Variants in LY96 observed in about 807,000 individuals in gnomAD.
LY96 encodes lymphocyte antigen 96.
LY96 carries 18 observed loss-of-function variants against 18.9 expected under a neutral mutation model. That is an observed-to-expected ratio of 0.95 (90% CI 0.66 to 1.41). The LOEUF (loss-of-function observed/expected upper bound fraction) is 1.41. Among genes scored for constraint, LY96 ranks in the 40% most tolerant of loss-of-function variants. LY96 has a pLI of 0.00. For synonymous variants in LY96, 66 were observed against 62.6 expected (o/e 1.06, Z -0.26); for missense variants, 175 against 182.4 (o/e 0.96, Z 0.23).
At chr8:74,091,297 A>C in the LY96 span, among the ~76,000 whole-genome samples, 1 of 152,100 alleles carries the variant, frequency 6.6e-6, no homozygotes, top group Non-Finnish European at 1.5e-5. Context: ...CTCTTGCAAG[A>C]TTGCATCTCT....
chr8:73,992,673 T>A (rs1210513008), intron 1 of LY96, among the ~76,000 whole-genome samples: 1 of 152,090 alleles, frequency 6.6e-6, no homozygotes, highest in Non-Finnish European at 1.5e-5. Context: ...CCATGGCCCT[T>A]CTCCTGGTGG....
intron 1 of LY96, among the ~76,000 whole-genome samples, chr8:73,992,027 G>A (rs1563705853): frequency 6.6e-6 from 1 of 152,206 alleles, no homozygotes; most frequent in Non-Finnish European, 1.5e-5. Flanking sequence ...GTCACTAGCT[G>A]TGTGACCTTA....
chr8:74,010,204 T>A, intron 3 of LY96, 75 bp downstream of exon 3: 1 of 1,387,386 alleles, frequency 7.2e-7, no homozygotes. Context: ...TTAAATACAT[T>A]GAAAATGGGA....
the LY96 span, among the ~76,000 whole-genome samples, chr8:74,061,284 C>A: frequency 2.6e-5 from 4 of 152,132 alleles, no homozygotes; most frequent in Admixed American, 1.3e-4. Flanking sequence ...GGATTAATGC[C>A]GTTATAAGAA....
chr8:74,053,920 C>T, the LY96 span, among the ~76,000 whole-genome samples: 11 of 152,146 alleles, frequency 7.2e-5, no homozygotes, highest in African/African-American at 1.2e-4. Context: ...TGATGTCTTC[C>T]GCCATTTTAT....
the LY96 span, among the ~76,000 whole-genome samples, chr8:74,076,929 G>A: frequency 6.8e-4 from 103 of 152,286 alleles, no homozygotes; most frequent in African/African-American, 2.3e-3. Flanking sequence ...GATGTTAATC[G>A]CATGTCTGGG....
chr8:74,027,204 T>G (rs1048045258), intron 4 of LY96, among the ~76,000 whole-genome samples: 1 of 152,044 alleles, frequency 6.6e-6, no homozygotes, highest in Admixed American at 6.6e-5. Flanking sequence ...CCTCCCAAAG[T>G]GCTGGGATTA....
intron 4 of LY96, among the ~76,000 whole-genome samples, 172 bp downstream of exon 4, chr8:74,027,013 A>C (rs998045948): frequency 2.7e-5 from 4 of 149,444 alleles, no homozygotes; most frequent in African/African-American, 9.9e-5. Flanking sequence ...TGCTCACTGC[A>C]ACCTCCACCC....
chr8:73,993,557 C>G (rs1403000278), intron 1 of LY96, among the ~76,000 whole-genome samples: 5 of 152,088 alleles, frequency 3.3e-5, no homozygotes, highest in Non-Finnish European at 7.4e-5. Flanking sequence ...ATTCTCCTGC[C>G]TCAGCCTCCC....
At chr8:73,996,020 G>A (rs1444664959) in intron 1 of LY96, among the ~76,000 whole-genome samples, 1 of 152,200 alleles carries the variant, frequency 6.6e-6, no homozygotes, top group Admixed American at 6.5e-5. Context: ...TGGCCAGCCA[G>A]ATGTGATGGC....
chr8:74,009,938 G>A, intron 2 of LY96, 63 bp from the exon 3 acceptor site: 15 of 1,202,416 alleles, frequency 1.2e-5, no homozygotes, highest in African/African-American at 3.0e-5. Context: ...TACAATAAAT[G>A]TTAATTACTA....
At position 74,026,856 on chromosome 8, in the gene LY96, T is replaced by G. The variant is rs1287665565; in HGVS notation, c.384+15T>G. On this transcript the variant is annotated intron_variant, in intron 4 of 4. Coordinates refer to ENST00000284818, the MANE Select transcript of LY96 (RefSeq NM_015364.5). ...AATTTTCTAAGGTATTGTTCAAGAT[T>G]TATTTTGTACTGTCTAACCTTTAGC... The G allele has an allele frequency of 7.4e-7, 1 of 1,348,590 alleles. No homozygotes were observed. The highest frequency in any genetic ancestry group is 1.1e-6 in the Non-Finnish European group (1 of 940,040). 83.5% of individuals were successfully genotyped at this position (1,348,590 alleles called of 1,614,324 possible). A position where few individuals can be genotyped will look rare whatever the true frequency, so the allele number is the denominator to read the frequency against.
Position 74,024,943 on chromosome 8 carries a change from C to T in LY96, c.332-1846C>T, listed in dbSNP as rs34110277. ...ACTGGGATCAAGTGATCCTCCCACC[C>T]TAGCCTCTCGAGTAACTGGGATTAT... is the stretch of plus-strand genomic sequence containing the variant. On this transcript the variant is annotated intron_variant, in intron 3 of 4. Coordinates refer to ENST00000284818, the MANE Select transcript of LY96 (RefSeq NM_015364.5). Among the ~76,000 whole-genome samples, 70 of 152,278 alleles carry T rather than the reference C, an allele frequency of 4.6e-4. 2 individuals carry two copies. In the East Asian group the frequency reaches 0.011, roughly 23 times the overall value.
the LY96 span, among the ~76,000 whole-genome samples, chr8:74,097,467 T>G: frequency 6.6e-6 from 1 of 152,134 alleles, no homozygotes; most frequent in African/African-American, 2.4e-5. Flanking sequence ...ATCCCAGCAC[T>G]TTGGGAGGTT....
chr8:74,058,014 T>C, the LY96 span, among the ~76,000 whole-genome samples: 2,154 of 152,298 alleles, frequency 0.014, 83 homozygotes, highest in Admixed American at 0.077. Context: ...AGGCCTTCAA[T>C]ACTTCGTGAG....
intron 3 of LY96, among the ~76,000 whole-genome samples, chr8:74,014,822 C>CAT (rs1046782302): frequency 4.6e-5 from 7 of 151,316 alleles, no homozygotes; most frequent in African/African-American, 1.5e-4. Flanking sequence ...TACACACACA[C>CAT]ACACACACAC....
intron 2 of LY96, among the ~76,000 whole-genome samples, chr8:74,009,291 C>T (rs376335372): frequency 6.3e-5 from 9 of 143,062 alleles, no homozygotes; most frequent in East Asian, 4.3e-4. Context: ...GCTACTCCAG[C>T]GGCTGAGGCA....
Position 73,991,618 on chromosome 8 carries a change from A to G in LY96, c.112+64A>G, listed in dbSNP as rs1315673340. 4.3e-6 allele frequency: 4 copies of G among 934,690 alleles called. No individual in the cohort carries two copies. In the East Asian group the frequency reaches 9.8e-5, roughly 23 times the overall value. The allele number at this position is 934,690 out of a possible 1,614,324, so 57.9% of individuals were successfully genotyped here. ...TATTTTGAGGGTAAGTTTTCACGAG[A>G]ACCGTACACTGTTGTGGCTGGAACA... On this transcript the variant is annotated intron_variant, in intron 1 of 4. Transcript: ENST00000284818.
intron 2 of LY96, 102 bp downstream of exon 2, chr8:74,004,987 T>C (rs1287144362): frequency 1.2e-5 from 15 of 1,269,500 alleles, no homozygotes; most frequent in African/African-American, 1.5e-5. Flanking sequence ...TATCTATTGC[T>C]ACGTAACAAA....
Sources: gnomAD v4.1 joint callset for allele counts (sites outside exome capture counted in the v4.1 genomes callset) on GRCh38, gnomAD v4.1.1 for gene constraint, MANE v1.5 for transcripts, NCBI Gene and HGNC (gene_info 2026-07-23, HGNC 2026-07-21) for gene names.